Variants in KIF15 observed in about 807,000 individuals in gnomAD.
KIF15 encodes the protein kinesin family member 15.
In KIF15, 140 loss-of-function variants were observed where a neutral mutation model predicts 190.6. The ratio of observed to expected loss-of-function variants is 0.73; its 90% confidence interval spans 0.64 to 0.84. KIF15 has a LOEUF of 0.84. Among genes scored for constraint, KIF15 ranks in the 40% least tolerant of loss-of-function variants. The pLI is 0.00. For missense variants in KIF15, 1,372 were observed against 1,584.4 expected, an observed-to-expected ratio of 0.87 and a Z score of 2.28; for synonymous variants, 528 against 551.3, an observed-to-expected ratio of 0.96 and a Z score of 0.59.
intron 32 of KIF15, among the ~76,000 whole-genome samples, chr3:44,849,241 T>G (rs780763632): frequency 8.5e-5 from 13 of 152,234 alleles, no homozygotes; most frequent in Admixed American, 6.5e-4. Flanking sequence ...ATTTTTGAAG[T>G]TGACTTTATA....
chr3:44,812,865 G>C (rs1430592691), intron 18 of KIF15, among the ~76,000 whole-genome samples: 1 of 151,974 alleles, frequency 6.6e-6, no homozygotes, highest in East Asian at 1.9e-4. Context: ...TGGGTCTGTA[G>C]TCACAGCTAC....
chr3:44,813,992 G>A (rs975885586), intron 19 of KIF15, among the ~76,000 whole-genome samples: 5 of 152,308 alleles, frequency 3.3e-5, no homozygotes, highest in Admixed American at 2.0e-4. Flanking sequence ...TTAACAAAGC[G>A]TAGGTTATAT....
intron 3 of KIF15, among the ~76,000 whole-genome samples, 175 bp from the exon 4 acceptor site, chr3:44,777,940 T>TA (rs1280523304): frequency 6.6e-6 from 1 of 152,222 alleles, no homozygotes; most frequent in Non-Finnish European, 1.5e-5. Context: ...GTATAGGAGA[T>TA]TAATAGATGT....
intron 1 of KIF15, among the ~76,000 whole-genome samples, chr3:44,770,611 C>A (rs956489994): frequency 1.3e-5 from 2 of 152,204 alleles, no homozygotes; most frequent in African/African-American, 4.8e-5. Flanking sequence ...AGGAAGCATA[C>A]CCTTCCAGTC....
At position 44,805,181 on chromosome 3, in the gene KIF15, T is replaced by C; in HGVS notation, c.1829+13T>C. 1 of 1,604,428 alleles carries C rather than the reference T, an allele frequency of 6.2e-7. No individual in the cohort carries two copies. The highest frequency in any genetic ancestry group is 8.5e-7 in the Non-Finnish European group (1 of 1,175,880). ...AAGAACTTACTAGGTAAAGTCTAAA[T>C]ACACATGCATGCACACTTATTTTCT... On this transcript the variant is annotated intron_variant, in intron 15 of 34. Coordinates refer to ENST00000326047, the MANE Select transcript of KIF15 (RefSeq NM_020242.3).
chr3:44,836,003 G>T (rs1180241374), intron 26 of KIF15, among the ~76,000 whole-genome samples: 1 of 152,138 alleles, frequency 6.6e-6, no homozygotes, highest in Non-Finnish European at 1.5e-5. Flanking sequence ...GAGTCCAGTA[G>T]TTCAAGTCCA....
intron 27 of KIF15, among the ~76,000 whole-genome samples, chr3:44,840,002 C>T (rs1698511925): frequency 6.6e-6 from 1 of 152,232 alleles, no homozygotes; most frequent in Admixed American, 6.5e-5. Flanking sequence ...GTGCCGCTGT[C>T]TCTTCAATAG....
chr3:44,791,579 C>A (rs946745374), intron 7 of KIF15, among the ~76,000 whole-genome samples: 2 of 152,192 alleles, frequency 1.3e-5, no homozygotes, highest in African/African-American at 4.8e-5. Flanking sequence ...TTGAGTCTCC[C>A]AATCTATGAA....
chr3:44,772,171 A>G (rs1436351019), intron 1 of KIF15, among the ~76,000 whole-genome samples: 1 of 152,178 alleles, frequency 6.6e-6, no homozygotes, highest in African/African-American at 2.4e-5. Flanking sequence ...TTTTCTGTTC[A>G]CCAATTTCGT....
chr3:44,830,113 T>C lies in KIF15; in HGVS notation c.3048+38T>C. On this transcript the variant is annotated intron_variant, in intron 25 of 34. Transcript: ENST00000326047. ...ACCAACAAGATGTTAAATTTGAGCA[T>C]GGGACACTTCACAGACTTTTCAAGA... 3.5e-6 allele frequency: 4 copies of C among 1,141,444 alleles called. No homozygotes were observed. The South Asian group carries it at 5.9e-5, about 17-fold the overall frequency. 70.7% of individuals were successfully genotyped at this position (1,141,444 alleles called of 1,614,324 possible).
chr3:44,862,510 C>T (rs1313591618), intron 6 of KIF15: 2 of 152,652 alleles, frequency 1.3e-5, no homozygotes, highest in Admixed American at 1.3e-4. Flanking sequence ...GAGCATTTCT[C>T]TCCACGTGAC....
At chr3:44,786,087 G>A (rs562300957) in intron 6 of KIF15, among the ~76,000 whole-genome samples, 92 of 152,234 alleles carry the variant, frequency 6.0e-4, no homozygotes, top group African/African-American at 2.1e-3. Flanking sequence ...GTGGTGGCGG[G>A]CACCTGTAGT....
In KIF15 at chr3:44,866,895, A is replaced by G. The variant is rs190969905; in HGVS notation, c.*60-6434A>G. Among the ~76,000 whole-genome samples, 5 of 152,252 alleles carry G rather than the reference A, an allele frequency of 3.3e-5. No individual in the cohort carries two copies. In the East Asian group the frequency reaches 9.6e-4, roughly 29 times the overall value. ...GTCCAGTCCTGCCAACATGTTTTGT[A>G]CTTGCTCTTACCCTTGCCTTGGGTT... On this transcript the variant is annotated intron_variant and NMD_transcript_variant, in intron 6 of 6. Transcript: ENST00000422209.
intron 3 of KIF15, among the ~76,000 whole-genome samples, chr3:44,777,742 C>CA (rs2125906755): frequency 6.6e-6 from 1 of 152,258 alleles, no homozygotes; most frequent in South Asian, 2.1e-4. Context: ...TGTAGTAAGA[C>CA]TGCATCTCCT....
intron 16 of KIF15, 118 bp downstream of exon 16, chr3:44,806,104 C>T (rs1410932382): frequency 1.1e-5 from 12 of 1,102,906 alleles, no homozygotes; most frequent in East Asian, 2.5e-5. Context: ...AGGTAATTAA[C>T]ACCGGTGTCA....
chr3:44,841,168 C>T lies in KIF15; in HGVS notation c.3515C>T (p.Ser1172Phe). Residue 1172 changes from serine (S) to phenylalanine (F), a missense_variant, in exon 29 of 35, where the codon TCT becomes TTT. Coordinates refer to ENST00000326047, the MANE Select transcript of KIF15 (RefSeq NM_020242.3). ...EIEDGRASKT[S>F]LEHLVTKLNE... Reference sequence around the variant, plus strand: ...GAAGATGGAAGAGCCTCTAAGACTTCTTTGGAACACCTTGTAACAAAGCTA... The same window carrying T: ...GAAGATGGAAGAGCCTCTAAGACTTTTTTGGAACACCTTGTAACAAAGCTA... 6.2e-7 allele frequency: 1 copy of T among 1,613,580 alleles called. No homozygotes were observed. The highest frequency in any genetic ancestry group is 8.5e-7 in the Non-Finnish European group (1 of 1,179,570).
chr3:44,761,983 A>G (rs913994547), intron 1 of KIF15, 99 bp downstream of exon 1: 1 of 1,491,088 alleles, frequency 6.7e-7, no homozygotes, highest in South Asian at 1.1e-5. Context: ...CTTGCTAGGC[A>G]TGAACTGCAG....
intron 1 of KIF15, 122 bp from the exon 2 acceptor site, chr3:44,774,273 C>T (rs1389752092): frequency 2.6e-6 from 2 of 763,530 alleles, no homozygotes; most frequent in Non-Finnish European, 4.4e-6. Context: ...TGGAGCACAG[C>T]ATTGTTAAAG....
At chr3:44,835,001 A>G (rs1468914536) in intron 26 of KIF15, among the ~76,000 whole-genome samples, 1 of 149,366 alleles carries the variant, frequency 6.7e-6, no homozygotes, top group South Asian at 2.1e-4. Context: ...TTAAAATAAT[A>G]TATAATATTA....
Sources: gnomAD v4.1 joint callset for allele counts (sites outside exome capture counted in the v4.1 genomes callset) on GRCh38, gnomAD v4.1.1 for gene constraint, MANE v1.5 for transcripts, NCBI Gene and HGNC (gene_info 2026-07-23, HGNC 2026-07-21) for gene names.